The following MAPK10 variants were observed in gnomAD, a reference collection of about 807,000 sequenced individuals.
The protein encoded by MAPK10 is mitogen-activated protein kinase 10, also known as JNK3 alpha protein kinase.
MAPK10 carries 25 observed loss-of-function variants against 59.3 expected under a neutral mutation model. The ratio of observed to expected loss-of-function variants is 0.42; its 90% confidence interval spans 0.31 to 0.59. MAPK10 has a LOEUF of 0.59. Among genes scored for constraint, MAPK10 ranks in the 20% least tolerant of loss-of-function variants. MAPK10 has a pLI of 0.15. For synonymous variants in MAPK10, 190 were observed against 200.5 expected (o/e 0.95, Z 0.44); for missense variants, 351 against 568.9 (o/e 0.62, Z 3.90).
chr4:86,188,845 TA>T (rs1360457740), intron 3 of MAPK10, among the ~76,000 whole-genome samples: 1 of 152,176 alleles, frequency 6.6e-6, no homozygotes, highest in East Asian at 1.9e-4. Flanking sequence ...TGATATTACC[TA>T]GGTTTTCTTC....
At chr4:86,480,052 A>C (rs190119531) in intron 1 of MAPK10, among the ~76,000 whole-genome samples, 1 of 152,314 alleles carries the variant, frequency 6.6e-6, no homozygotes, top group Non-Finnish European at 1.5e-5. Flanking sequence ...TACTAATATA[A>C]GAAGACAGGA....
At chr4:86,557,270 C>A (rs992164408) in intron 1 of MAPK10, among the ~76,000 whole-genome samples, 1 of 151,816 alleles carries the variant, frequency 6.6e-6, no homozygotes, top group Non-Finnish European at 1.5e-5. Context: ...TTTTCTTGAC[C>A]ACAACCAGTG....
intron 1 of MAPK10, among the ~76,000 whole-genome samples, chr4:86,575,699 T>C (rs1018295286): frequency 4.6e-5 from 7 of 151,554 alleles, no homozygotes; most frequent in East Asian, 2.0e-4. Context: ...CAGAGTTACA[T>C]TGATTACTTT....
intron 1 of MAPK10, among the ~76,000 whole-genome samples, chr4:86,530,714 G>C (rs971015959): frequency 6.6e-6 from 1 of 152,064 alleles, no homozygotes; most frequent in African/African-American, 2.4e-5. Context: ...TGAAGGCTCT[G>C]CCCTTATGAA....
At chr4:86,503,943 T>C (rs1755520254) in intron 1 of MAPK10, among the ~76,000 whole-genome samples, 1 of 152,074 alleles carries the variant, frequency 6.6e-6, no homozygotes, top group Admixed American at 6.6e-5. Flanking sequence ...CTCTTGGGCT[T>C]TGTACGCATT....
chr4:86,179,739 C>T (rs900027494), intron 3 of MAPK10, among the ~76,000 whole-genome samples: 1 of 152,046 alleles, frequency 6.6e-6, no homozygotes, highest in Non-Finnish European at 1.5e-5. Flanking sequence ...CAAGAACATA[C>T]ATTGGGGAAG....
chr4:86,243,008 G>A (rs185581030), intron 2 of MAPK10, among the ~76,000 whole-genome samples: 116 of 152,362 alleles, frequency 7.6e-4, no homozygotes, highest in Non-Finnish European at 1.1e-3. Flanking sequence ...GAAAAGCACA[G>A]TTTTCCCAGC....
chr4:86,473,297 A>G (rs1752806206), intron 1 of MAPK10, among the ~76,000 whole-genome samples: 1 of 152,244 alleles, frequency 6.6e-6, no homozygotes, highest in Admixed American at 6.5e-5. Flanking sequence ...CAGATATCAC[A>G]TATCGACCTT....
chr4:86,193,875 C>T (rs2080587200), intron 3 of MAPK10: 1 of 161,126 alleles, frequency 6.2e-6, no homozygotes, highest in Admixed American at 5.9e-5. Context: ...AACCCAGGAC[C>T]CTTGCGGTGT....
At chr4:86,114,739 CCCCT>C (rs1397026907) in intron 4 of MAPK10, among the ~76,000 whole-genome samples, 1 of 152,212 alleles carries the variant, frequency 6.6e-6, no homozygotes, top group African/African-American at 2.4e-5. Flanking sequence ...GGGGAGAATC[CCCCT>C]CATCTGGACT....
At chr4:86,221,874 T>C in intron 2 of MAPK10, among the ~76,000 whole-genome samples, 1 of 152,172 alleles carries the variant, frequency 6.6e-6, no homozygotes, top group East Asian at 1.9e-4. Context: ...GGTGGAATTC[T>C]CATGAATGGG....
chr4:86,252,553 C>A (rs1252415805), intron 2 of MAPK10, among the ~76,000 whole-genome samples: 1 of 141,378 alleles, frequency 7.1e-6, no homozygotes, highest in Admixed American at 7.1e-5. Flanking sequence ...GGTACCAGTA[C>A]CATGCTGTTT....
intron 1 of MAPK10, among the ~76,000 whole-genome samples, chr4:86,393,938 T>A (rs1742569685): frequency 6.6e-6 from 1 of 152,164 alleles, no homozygotes; most frequent in African/African-American, 2.4e-5. Flanking sequence ...AGCATAACAC[T>A]TAAACACATT....
chr4:86,156,257 ATCCTC>A (rs1376422326), intron 4 of MAPK10, among the ~76,000 whole-genome samples: 1 of 152,054 alleles, frequency 6.6e-6, no homozygotes, highest in Non-Finnish European at 1.5e-5. Flanking sequence ...ATTAAATGCC[ATCCTC>A]TAGCTCCAAG....
chr4:86,546,470 T>C (rs1034216659), intron 1 of MAPK10, among the ~76,000 whole-genome samples: 4 of 150,582 alleles, frequency 2.7e-5, no homozygotes, highest in East Asian at 3.9e-4. Context: ...GGCAGGAGAA[T>C]TGCTTGAACC....
intron 4 of MAPK10, chr4:86,119,427 C>A: frequency 6.6e-6 from 1 of 152,094 alleles, no homozygotes; most frequent in Non-Finnish European, 1.5e-5. Flanking sequence ...GAAACACCGT[C>A]TCTACTAAAA....
At position 86,465,900 on chromosome 4, in the gene MAPK10, G is replaced by A. The variant is rs546720315; in HGVS notation, c.-262-111256C>T. Among the ~76,000 whole-genome samples, 17 of 152,252 alleles carry A rather than the reference G, an allele frequency of 1.1e-4. No individual in the cohort carries two copies. The South Asian group carries it at 2.9e-3, about 26-fold the overall frequency. On this transcript the variant is annotated intron_variant, in intron 1 of 4. Coordinates refer to the MAPK10 transcript ENST00000502302. ...AGATCAAGAAGCTGTCACAGATGGC[G>A]GAAGAAAACCTGAGGAAAGCGGGAC...
chr4:86,579,556 CTTA>C (rs930992705), intron 1 of MAPK10, among the ~76,000 whole-genome samples: 6 of 149,370 alleles, frequency 4.0e-5, no homozygotes, highest in Non-Finnish European at 7.5e-5. Flanking sequence ...CACACACTTT[CTTA>C]TATTTCCCAT....
chr4:86,079,315 A>G (rs2050157199), intron 9 of MAPK10, among the ~76,000 whole-genome samples: 1 of 152,208 alleles, frequency 6.6e-6, no homozygotes, highest in South Asian at 2.1e-4. Flanking sequence ...ATTCACTATT[A>G]TAATCTATCT....
Sources: gnomAD v4.1 joint callset for allele counts (sites outside exome capture counted in the v4.1 genomes callset) on GRCh38, gnomAD v4.1.1 for gene constraint, MANE v1.5 for transcripts, NCBI Gene and HGNC (gene_info 2026-07-23, HGNC 2026-07-21) for gene names.